The following FAM107B variants were observed in gnomAD, a reference collection of about 807,000 sequenced individuals.
FAM107B encodes protein FAM107B.
Under a neutral mutation model 31.5 loss-of-function variants are expected in FAM107B, and 21 were observed. The ratio of observed to expected loss-of-function variants is 0.67; its 90% CI spans 0.47 to 0.96. FAM107B has a LOEUF of 0.96. Ranked by LOEUF, FAM107B falls within the 40% of genes least tolerant of loss-of-function variation. The pLI is 0.00. For synonymous variants in FAM107B, 157 were observed against 141.5 expected (o/e 1.11, Z -0.78); for missense variants, 452 against 377.1 (o/e 1.20, Z -1.64).
chr10:14,588,463 G>C (rs148979731), intron 2 of FAM107B, among the ~76,000 whole-genome samples: 4 of 152,164 alleles, frequency 2.6e-5, no homozygotes, highest in African/African-American at 9.7e-5. Context: ...ACGCCCACGT[G>C]AAAGTCTCCC....
chr10:14,745,969 G>C (rs913086808), intron 1 of FAM107B, among the ~76,000 whole-genome samples: 1 of 152,124 alleles, frequency 6.6e-6, no homozygotes, highest in African/African-American at 2.4e-5. Flanking sequence ...CTTGTTTTAT[G>C]AATCTGGGTG....
intron 1 of FAM107B, among the ~76,000 whole-genome samples, chr10:14,710,449 C>T (rs1029317536): frequency 3.8e-4 from 58 of 150,910 alleles, no homozygotes; most frequent in South Asian, 1.0e-3. Flanking sequence ...CACACACACA[C>T]ACACACACAC....
intron 1 of FAM107B, among the ~76,000 whole-genome samples, chr10:14,757,371 C>T (rs1832951171): frequency 6.6e-6 from 1 of 151,470 alleles, no homozygotes; most frequent in South Asian, 2.1e-4. Flanking sequence ...TTCCAGGCTG[C>T]TAACCTGTCC....
intron 2 of FAM107B, among the ~76,000 whole-genome samples, chr10:14,625,867 T>A (rs116170536): frequency 1.4e-3 from 3 of 2,156 alleles, no homozygotes; most frequent in East Asian, 0.045. Context: ...TGCTCATGGA[T>A]TAAAAAAAAA....
intron 1 of FAM107B, among the ~76,000 whole-genome samples, chr10:14,743,114 T>C (rs1832654304): frequency 6.6e-6 from 1 of 152,236 alleles, no homozygotes; most frequent in South Asian, 2.1e-4. Context: ...ATTTCTCTAA[T>C]GATCAATGAT....
intron 2 of FAM107B, among the ~76,000 whole-genome samples, chr10:14,615,983 T>C (rs2131396299): frequency 6.6e-6 from 1 of 152,340 alleles, no homozygotes; most frequent in South Asian, 2.1e-4. Context: ...TAGGCATACT[T>C]CCCAATTGTA....
intron 1 of FAM107B, among the ~76,000 whole-genome samples, chr10:14,743,827 G>A (rs1194817867): frequency 1.3e-5 from 2 of 152,208 alleles, no homozygotes; most frequent in Non-Finnish European, 2.9e-5. Context: ...GATTGTCTTG[G>A]CTATATGGGC....
intron 1 of FAM107B, among the ~76,000 whole-genome samples, chr10:14,689,677 T>C (rs554342066): frequency 1.0e-3 from 155 of 152,266 alleles, no homozygotes; most frequent in Non-Finnish European, 5.3e-4. Context: ...AAAAGATACC[T>C]TGGCTGGGCA....
At chr10:14,713,127 A>T (rs188338275) in intron 1 of FAM107B, among the ~76,000 whole-genome samples, 1 of 152,280 alleles carries the variant, frequency 6.6e-6, no homozygotes, top group Admixed American at 6.5e-5. Flanking sequence ...GGCTAATCAG[A>T]TTAAGTAAAC....
chr10:14,671,384 C>T (rs1456909493), intron 1 of FAM107B, among the ~76,000 whole-genome samples: 1 of 152,088 alleles, frequency 6.6e-6, no homozygotes, highest in Non-Finnish European at 1.5e-5. Flanking sequence ...AAGGGGGAAA[C>T]AGGGACTCTT....
chr10:14,643,767 T>C (rs1853687706), intron 2 of FAM107B, among the ~76,000 whole-genome samples: 3 of 152,138 alleles, frequency 2.0e-5, no homozygotes, highest in Admixed American at 6.5e-5. Flanking sequence ...AGAAACATCC[T>C]CACTGACACA....
At chr10:14,555,625 T>C (rs562383349) in intron 2 of FAM107B, among the ~76,000 whole-genome samples, 2 of 152,244 alleles carry the variant, frequency 1.3e-5, no homozygotes, top group Non-Finnish European at 2.9e-5. Flanking sequence ...ATTCAGTGAC[T>C]TGGAAAAATT....
At chr10:14,590,283 T>C (rs1181282360) in intron 2 of FAM107B, among the ~76,000 whole-genome samples, 4 of 152,232 alleles carry the variant, frequency 2.6e-5, no homozygotes, top group Non-Finnish European at 5.9e-5. Context: ...TTAGGACTTA[T>C]TGGTCACAGC....
intron 3 of FAM107B, 180 bp from the exon 4 acceptor site, chr10:14,522,199 A>G (rs1350814607): frequency 1.3e-6 from 1 of 745,824 alleles, no homozygotes; most frequent in African/African-American, 1.8e-5. Context: ...AAAGAAAGGC[A>G]AGAGGAGATC....
At chr10:14,693,160 A>T (rs1309182151) in intron 1 of FAM107B, among the ~76,000 whole-genome samples, 6 of 152,148 alleles carry the variant, frequency 3.9e-5, no homozygotes, top group African/African-American at 1.4e-4. Flanking sequence ...GTGTTTTTTA[A>T]ATATAACTTT....
intron 2 of FAM107B, chr10:14,556,476 G>C (rs1433325025): frequency 1.1e-6 from 1 of 942,900 alleles, no homozygotes; most frequent in Non-Finnish European, 1.3e-6. Flanking sequence ...ATTCATATTT[G>C]TCAAGCCCCG....
intron 1 of FAM107B, among the ~76,000 whole-genome samples, chr10:14,760,245 T>C (rs1833017001): frequency 6.6e-6 from 1 of 152,194 alleles, no homozygotes; most frequent in Non-Finnish European, 1.5e-5. Flanking sequence ...CTTTTGGCTG[T>C]CCTCTTCACC....
At chr10:14,667,468 T>G (rs1015104690) in intron 2 of FAM107B, among the ~76,000 whole-genome samples, 166 bp downstream of exon 2, 4 of 152,238 alleles carry the variant, frequency 2.6e-5, no homozygotes, top group Admixed American at 2.6e-4. Context: ...AACCAGATTG[T>G]CCAGATGTCG....
At chr10:14,753,370 C>T (rs1171497021) in intron 1 of FAM107B, among the ~76,000 whole-genome samples, 2 of 152,194 alleles carry the variant, frequency 1.3e-5, no homozygotes, top group South Asian at 4.1e-4. Context: ...GCTTAAAACC[C>T]CGTTACATCA....
Sources: gnomAD v4.1 joint callset for allele counts (sites outside exome capture counted in the v4.1 genomes callset) on GRCh38, gnomAD v4.1.1 for gene constraint, MANE v1.5 for transcripts, NCBI Gene and HGNC (gene_info 2026-07-23, HGNC 2026-07-21) for gene names.